Variants in AUTS2 observed in about 807,000 individuals in gnomAD.
The protein encoded by AUTS2 is activator of transcription and developmental regulator AUTS2, also known as autism susceptibility gene 2 protein.
Under a neutral mutation model 112.4 loss-of-function variants are expected in AUTS2, and 17 were observed. That is an observed-to-expected ratio of 0.15 (90% CI 0.10 to 0.23). The LOEUF is 0.23. AUTS2 is among the 10% of genes least tolerant of loss of function. The pLI, the probability that AUTS2 is intolerant of heterozygous loss-of-function variation, is 1.00. For synonymous variants in AUTS2, 751 were observed against 702.7 expected (o/e 1.07, Z -1.09); for missense variants, 1,510 against 1,701.6 (o/e 0.89, Z 1.98).
intron 4 of AUTS2, among the ~76,000 whole-genome samples, chr7:70,242,520 A>C (rs2129600825): frequency 6.6e-6 from 1 of 152,132 alleles, no homozygotes; most frequent in East Asian, 1.9e-4. Context: ...AAATATGAAT[A>C]CTCTTTGTGA....
chr7:70,428,065 A>G (rs922483574), intron 4 of AUTS2, among the ~76,000 whole-genome samples: 38 of 152,212 alleles, frequency 2.5e-4, no homozygotes, highest in African/African-American at 9.2e-4. Context: ...TATCTGAGCT[A>G]TTTTATTTGA....
intron 5 of AUTS2, among the ~76,000 whole-genome samples, chr7:70,561,547 G>T (rs1801486837): frequency 1.3e-5 from 2 of 152,156 alleles, no homozygotes; most frequent in Non-Finnish European, 2.9e-5. Flanking sequence ...GATTGCTTGA[G>T]CCCAGGAGTT....
chr7:70,451,337 A>G (rs1796520284), intron 5 of AUTS2, among the ~76,000 whole-genome samples: 1 of 152,178 alleles, frequency 6.6e-6, no homozygotes, highest in Admixed American at 6.5e-5. Context: ...CATGTAACAA[A>G]CATACACATG....
intron 4 of AUTS2, among the ~76,000 whole-genome samples, chr7:70,273,618 G>C (rs1022561508): frequency 1.3e-5 from 2 of 151,976 alleles, no homozygotes; most frequent in Non-Finnish European, 2.9e-5. Context: ...TAATTGACAC[G>C]TGCAGTTTTA....
chr7:69,876,325 CAAAAAAAAA>C (rs1167965776), intron 1 of AUTS2, among the ~76,000 whole-genome samples: 14 of 26,162 alleles, frequency 5.4e-4, no homozygotes, highest in Non-Finnish European at 7.3e-4. Context: ...GACTCTGTCT[CAAAAAAAAA>C]AAAAAAAAAA....
At chr7:69,770,865 T>C (rs1327159002) in intron 1 of AUTS2, among the ~76,000 whole-genome samples, 3 of 152,042 alleles carry the variant, frequency 2.0e-5, no homozygotes, top group East Asian at 1.9e-4. Context: ...AGGATAAATA[T>C]AAAACCGATC....
chr7:70,239,137 C>T (rs1812476638), intron 4 of AUTS2, among the ~76,000 whole-genome samples: 1 of 152,014 alleles, frequency 6.6e-6, no homozygotes, highest in Non-Finnish European at 1.5e-5. Context: ...CAATCAGAGC[C>T]TCTCCTCCAT....
At chr7:70,103,104 CA>C (rs1804587324) in intron 2 of AUTS2, among the ~76,000 whole-genome samples, 1 of 152,084 alleles carries the variant, frequency 6.6e-6, no homozygotes, top group South Asian at 2.1e-4. Context: ...AATGTTTGGT[CA>C]GTAAATCAGA....
At chr7:70,247,600 T>A (rs1348504499) in intron 4 of AUTS2, among the ~76,000 whole-genome samples, 1 of 152,204 alleles carries the variant, frequency 6.6e-6, no homozygotes, top group Non-Finnish European at 1.5e-5. Flanking sequence ...TTGATTTTTG[T>A]ATATTGATTT....
chr7:70,225,571 G>C (rs546166471), intron 4 of AUTS2, among the ~76,000 whole-genome samples: 1 of 152,142 alleles, frequency 6.6e-6, no homozygotes, highest in Non-Finnish European at 1.5e-5. Context: ...CTTTGGCCTT[G>C]CAAGTGGTTA....
chr7:70,191,899 A>G (rs1316633602), intron 4 of AUTS2, among the ~76,000 whole-genome samples: 1 of 151,932 alleles, frequency 6.6e-6, no homozygotes, highest in Admixed American at 6.6e-5. Context: ...TGTCTCTACT[A>G]AAAATACAAA....
At chr7:70,123,006 G>T (rs1805768026) in intron 3 of AUTS2, among the ~76,000 whole-genome samples, 1 of 151,710 alleles carries the variant, frequency 6.6e-6, no homozygotes, top group South Asian at 2.1e-4. Context: ...CTCCTGAGTA[G>T]CTGGGATTAC....
At chr7:70,065,426 G>A (rs971049016) in intron 2 of AUTS2, among the ~76,000 whole-genome samples, 1 of 152,090 alleles carries the variant, frequency 6.6e-6, no homozygotes, top group African/African-American at 2.4e-5. Flanking sequence ...AGGCACGGTG[G>A]CTAACACCTG....
intron 5 of AUTS2, among the ~76,000 whole-genome samples, chr7:70,647,776 G>A (rs1205133251): frequency 6.6e-6 from 1 of 152,208 alleles, no homozygotes; most frequent in Non-Finnish European, 1.5e-5. Flanking sequence ...AGGGAGGCAG[G>A]TGGCATACGT....
intron 2 of AUTS2, among the ~76,000 whole-genome samples, chr7:69,939,950 C>G (rs985096083): frequency 1.2e-4 from 18 of 152,332 alleles, no homozygotes; most frequent in Admixed American, 8.5e-4. Context: ...TTCCACTCAT[C>G]ATAACAACAA....
At chr7:70,020,416 AAG>A (rs1022853700) in intron 2 of AUTS2, among the ~76,000 whole-genome samples, 2 of 152,186 alleles carry the variant, frequency 1.3e-5, no homozygotes, top group South Asian at 2.1e-4. Context: ...TGGACTCTGC[AAG>A]AGAGAGACTG....
chr7:69,759,900 G>A (rs1316177936), intron 1 of AUTS2, among the ~76,000 whole-genome samples: 1 of 150,192 alleles, frequency 6.7e-6, no homozygotes, highest in African/African-American at 2.5e-5. Flanking sequence ...GGGATCTTCT[G>A]TCCTCTAGAA....
At chr7:69,748,634 G>T (rs1787610823) in intron 1 of AUTS2, among the ~76,000 whole-genome samples, 1 of 152,172 alleles carries the variant, frequency 6.6e-6, no homozygotes, top group Non-Finnish European at 1.5e-5. Flanking sequence ...CTGGTTGACT[G>T]CAGGGGGAAG....
intron 4 of AUTS2, among the ~76,000 whole-genome samples, chr7:70,218,485 G>A (rs1312349710): frequency 6.6e-6 from 1 of 152,080 alleles, no homozygotes; most frequent in Non-Finnish European, 1.5e-5. Flanking sequence ...GAAAGCCATG[G>A]TCCTTGCCCT....
Sources: gnomAD v4.1 joint callset for allele counts (sites outside exome capture counted in the v4.1 genomes callset) on GRCh38, gnomAD v4.1.1 for gene constraint, MANE v1.5 for transcripts, NCBI Gene and HGNC (gene_info 2026-07-23, HGNC 2026-07-21) for gene names.